The following DGKB variants were observed in gnomAD, a reference collection of about 807,000 sequenced individuals.
DGKB encodes the protein diacylglycerol kinase beta, also known as 90 kDa diacylglycerol kinase.
A neutral mutation model predicts 114.3 loss-of-function variants in DGKB; 67 were observed. The ratio of observed to expected loss-of-function variants is 0.59; its 90% CI spans 0.48 to 0.72. The LOEUF (loss-of-function observed/expected upper bound fraction) is 0.72. DGKB is among the 30% of genes least tolerant of loss of function. The pLI, the probability that DGKB is intolerant of heterozygous loss-of-function variation, is 0.00. For synonymous variants in DGKB, 398 were observed against 323.1 expected (o/e 1.23, Z -2.49); for missense variants, 907 against 975.2 (o/e 0.93, Z 0.93).
chr7:14,769,254 G>GAAAT (rs1554266021), intron 2 of DGKB, among the ~76,000 whole-genome samples: 1 of 124,116 alleles, frequency 8.1e-6, no homozygotes, highest in Non-Finnish European at 1.6e-5. Context: ...AAGAAAGAAA[G>GAAAT]AAAGAAAGAA....
At chr7:14,661,849 T>C (rs1817156821) in intron 13 of DGKB, among the ~76,000 whole-genome samples, 2 of 152,096 alleles carry the variant, frequency 1.3e-5, no homozygotes, top group African/African-American at 4.8e-5. Context: ...ATGTGGCGCA[T>C]ATACACCATG....
intron 23 of DGKB, among the ~76,000 whole-genome samples, chr7:14,297,141 TACCATTCCTTCTG>T (rs1198892936): frequency 6.6e-6 from 1 of 152,136 alleles, no homozygotes; most frequent in Non-Finnish European, 1.5e-5. Context: ...AGAGATCTGG[TACCATTCCTTCTG>T]AAGCTATTCC....
intron 13 of DGKB, among the ~76,000 whole-genome samples, chr7:14,632,139 C>T (rs1809842974): frequency 6.6e-6 from 1 of 151,966 alleles, no homozygotes; most frequent in African/African-American, 2.4e-5. Context: ...GATCCTGGTC[C>T]ACTTTCACTT....
At chr7:14,279,706 C>T (rs1355905891) in intron 23 of DGKB, among the ~76,000 whole-genome samples, 1 of 151,972 alleles carries the variant, frequency 6.6e-6, no homozygotes, top group Non-Finnish European at 1.5e-5. Context: ...TCACCCCTGA[C>T]CCCCGAGCAG....
chr7:14,953,412 A>C (rs1486093941), intron 1 of DGKB, among the ~76,000 whole-genome samples: 2 of 152,156 alleles, frequency 1.3e-5, no homozygotes, highest in African/African-American at 2.4e-5. Flanking sequence ...CATTTCTCCT[A>C]ATAATATATA....
chr7:14,761,376 A>C (rs1835674315), intron 2 of DGKB, among the ~76,000 whole-genome samples: 1 of 152,204 alleles, frequency 6.6e-6, no homozygotes, highest in Non-Finnish European at 1.5e-5. Context: ...TAGGTTGTGA[A>C]AATCCTACTG....
chr7:14,844,639 C>T lies in DGKB; in HGVS notation c.-187-3189G>A, dbSNP rs572139733. 2.0e-5 allele frequency among the ~76,000 whole-genome samples: 3 copies of T among 152,290 alleles called. No individual in the cohort carries two copies. The South Asian group carries it at 6.2e-4, about 32-fold the overall frequency. ...CTTAACTCGCTCCCTGAGCTCTCTC[C>T]CTTTCTTAACATGGCCATTTCCCAA... On this transcript the variant is annotated intron_variant, in intron 1 of 25. Transcript: ENST00000402815.
At position 14,329,977 on chromosome 7, in the gene DGKB, A is replaced by T. The variant is rs1585165743; in HGVS notation, c.2122+8538T>A. On this transcript the variant is annotated intron_variant, in intron 23 of 25. Coordinates refer to ENST00000402815, the MANE Select transcript of DGKB (RefSeq NM_001350709.2). ...TTTTCAATAGACAGAGGACTGGACA[A>T]CTGTGCCACAGAAACAAATAAGATG... 2.6e-5 allele frequency among the ~76,000 whole-genome samples: 4 copies of T among 152,140 alleles called. No individual in the cohort carries two copies. In the East Asian group the frequency reaches 7.7e-4, roughly 29 times the overall value.
intron 3 of DGKB, among the ~76,000 whole-genome samples, chr7:14,755,934 A>G (rs1295416197): frequency 1.3e-5 from 2 of 152,044 alleles, no homozygotes; most frequent in Non-Finnish European, 2.9e-5. Context: ...TCAACAATAG[A>G]TCTGTACATT....
At chr7:14,186,114 A>G (rs1783390746) in intron 23 of DGKB, among the ~76,000 whole-genome samples, 1 of 152,238 alleles carries the variant, frequency 6.6e-6, no homozygotes, top group East Asian at 1.9e-4. Flanking sequence ...TTCACAATCC[A>G]TACATCTGAC....
Position 14,730,319 on chromosome 7 carries a change from G to T in DGKB, c.322+5722C>A, listed in dbSNP as rs943378793. 1.6e-4 allele frequency among the ~76,000 whole-genome samples: 25 copies of T among 152,222 alleles called. No individual in the cohort carries two copies. The Middle Eastern group carries it at 0.01, about 62-fold the overall frequency. ...GGAGAAGGGACAGGGATGCTACAAG[G>T]GACAAATGGTGTCTTGTAAAAGTAC... On this transcript the variant is annotated intron_variant, in intron 5 of 25. Coordinates refer to ENST00000402815, the MANE Select transcript of DGKB (RefSeq NM_001350709.2).
At chr7:14,215,555 C>G (rs998526895) in intron 23 of DGKB, among the ~76,000 whole-genome samples, 2 of 152,012 alleles carry the variant, frequency 1.3e-5, no homozygotes, top group Admixed American at 1.3e-4. Flanking sequence ...AATTAGCATA[C>G]AAATGTTTTA....
At chr7:14,729,217 G>T (rs984789449) in intron 5 of DGKB, among the ~76,000 whole-genome samples, 1 of 148,082 alleles carries the variant, frequency 6.8e-6, no homozygotes, top group Non-Finnish European at 1.5e-5. Context: ...CCGCCTCCTG[G>T]GTTCACGCCA....
intron 1 of DGKB, among the ~76,000 whole-genome samples, chr7:14,893,346 A>G (rs1176986429): frequency 6.6e-6 from 1 of 151,388 alleles, no homozygotes; most frequent in East Asian, 1.9e-4. Flanking sequence ...GTCATCCTTA[A>G]AAGACGTTTT....
Position 14,145,684 on chromosome 7 carries a change from C to T in DGKB, c.*3447G>A, listed in dbSNP as rs1781405425. The T allele has an allele frequency of 6.6e-6, 1 of 152,198 alleles. No individual in the cohort carries two copies. The highest frequency in any genetic ancestry group is 1.5e-5 in the Non-Finnish European group (1 of 68,058). The allele number at this position is 152,198 out of a possible 1,614,324, so 9.4% of individuals were successfully genotyped here. On this transcript the variant is annotated 3_prime_UTR_variant, in exon 26 of 26. Transcript: ENST00000402815. ...ATATTGGCCAGGCTGGTCTTGAACT[C>T]CTGACCTTGTGATCTGCCTGCCTCT...
chr7:14,272,321 T>C (rs1798380470), intron 23 of DGKB, among the ~76,000 whole-genome samples: 1 of 152,138 alleles, frequency 6.6e-6, no homozygotes, highest in Non-Finnish European at 1.5e-5. Context: ...GTACTAACAC[T>C]CTTTTTGAAA....
At chr7:14,895,987 T>C (rs1436957275) in intron 1 of DGKB, among the ~76,000 whole-genome samples, 1 of 151,716 alleles carries the variant, frequency 6.6e-6, no homozygotes, top group Non-Finnish European at 1.5e-5. Context: ...CTTTTCTGCG[T>C]GAAGTTTTGT....
chr7:14,258,027 T>C (rs892151725), intron 23 of DGKB, among the ~76,000 whole-genome samples: 6 of 152,218 alleles, frequency 3.9e-5, no homozygotes, highest in Admixed American at 6.5e-5. Flanking sequence ...TCAATGTGTC[T>C]GGCCTAAACC....
chr7:14,678,895 AC>A (rs1177761234), intron 12 of DGKB, among the ~76,000 whole-genome samples: 6 of 152,148 alleles, frequency 3.9e-5, no homozygotes, highest in African/African-American at 1.4e-4. Flanking sequence ...CAGGTTGTGT[AC>A]AAGAGATAAA....
Sources: allele counts gnomAD v4.1 joint callset (sites outside exome capture counted in the v4.1 genomes callset), GRCh38; gene constraint gnomAD v4.1.1; transcripts MANE v1.5; gene names NCBI Gene and HGNC (gene_info 2026-07-23, HGNC 2026-07-21).